GLUL: variants seen among roughly 807,000 people sequenced by gnomAD.
GLUL encodes glutamine synthetase.
A neutral mutation model predicts 36.9 loss-of-function variants in GLUL; 8 were observed. That is an observed-to-expected ratio of 0.22 (90% CI 0.13 to 0.39). GLUL has a LOEUF of 0.39. GLUL is among the 10% of genes least tolerant of loss of function. The pLI is 1.00. For missense variants in GLUL, 315 were observed against 501.8 expected (o/e 0.63, Z 3.56); for synonymous variants, 182 against 172.8 (o/e 1.05, Z -0.42).
At chr1:182,385,670 T>C (rs1168463384) in intron 5 of GLUL, 90 bp downstream of exon 5, 26 of 1,566,682 alleles carry the variant, frequency 1.7e-5, no homozygotes, top group Non-Finnish European at 2.1e-5. Flanking sequence ...GGTTTTGGGT[T>C]AGTGAGTGGT....
Position 182,387,120 on chromosome 1 carries a change from C to CTATA in GLUL, c.328+7_328+10dup. The CTATA allele has an allele frequency of 6.2e-7, 1 of 1,603,440 alleles. No individual in the cohort carries two copies. The highest frequency in any genetic ancestry group is 8.5e-7 in the Non-Finnish European group (1 of 1,170,432). On this transcript the variant is annotated intron_variant, in intron 3 of 6. Transcript: ENST00000331872. The stretch of plus-strand genomic sequence containing the variant: ...TTGAGGAGGGGTATCCATAGCTGTG[C>CTATA]TATAACACACCTGCAGGCCTTCGAT...
chr1:182,379,168 A>G lies in GLUL; in HGVS notation c.*5237T>C, dbSNP rs902100580. Among the ~76,000 whole-genome samples the G allele has an allele frequency of 2.0e-5, 3 of 152,182 alleles. No individual in the cohort carries two copies. The highest frequency in any genetic ancestry group is 2.4e-5 in the African/African-American group (1 of 41,446). ...GTTCTAATCAGCTCAGATTGTTTTC[A>G]GTAGAAATGTACGCAAAGTCTTTGG... On this transcript the variant is annotated 3_prime_UTR_variant, in exon 7 of 7. Coordinates refer to ENST00000331872, the MANE Select transcript of GLUL (RefSeq NM_001033044.4).
At chr1:182,390,241 A>C (rs567544882) in intron 1 of GLUL, 3 of 311,784 alleles carry the variant, frequency 9.6e-6, no homozygotes, top group South Asian at 1.6e-4. Context: ...AAAAAAAAAA[A>C]CCTACAACCC....
In GLUL at chr1:182,378,209, G is replaced by A. The variant is rs1231142973; in HGVS notation, c.*6196C>T. ...AACTAATAGATCTGCTGACTACGCC[G>A]TACAGTGGAGGAAACACGCTGCAAT... On this transcript the variant is annotated 3_prime_UTR_variant, in exon 7 of 7. Transcript: ENST00000331872. Among the ~76,000 whole-genome samples, 2 of 152,134 alleles carry A rather than the reference G, an allele frequency of 1.3e-5. No homozygotes were observed. The highest frequency in any genetic ancestry group is 1.5e-5 in the Non-Finnish European group (1 of 68,024).
In GLUL at chr1:182,382,551, G is replaced by C. The variant is rs1355355745; in HGVS notation, c.*1854C>G. On this transcript the variant is annotated 3_prime_UTR_variant, in exon 7 of 7. Transcript: ENST00000331872. ...AGCCAGTTAATCTTACATTATGTTA[G>C]GCTATTGTATTAGGCTAGGAATGGT... 4 of 151,192 alleles carry C rather than the reference G, an allele frequency of 2.6e-5. No individual in the cohort carries two copies. The highest frequency in any genetic ancestry group is 9.7e-5 in the African/African-American group (4 of 41,332). 9.4% of individuals were successfully genotyped at this position (151,192 alleles called of 1,614,324 possible).
At position 182,383,779 on chromosome 1, in the gene GLUL, G is replaced by C. The variant is rs150829570; in HGVS notation, c.*626C>G. On this transcript the variant is annotated 3_prime_UTR_variant, in exon 7 of 7. Coordinates refer to ENST00000331872, the MANE Select transcript of GLUL (RefSeq NM_001033044.4). ...ATTCTGCTTTGTGTGATAAATCAAG[G>C]ACCAAGCAGTAAGAACCTTTTCTTC... 1 of 154,182 alleles carries C rather than the reference G, an allele frequency of 6.5e-6. No homozygotes were observed. Among genetic ancestry groups the C allele is most frequent in the African/African-American group, 2.4e-5 (1 of 41,482 alleles). The allele number at this position is 154,182 out of a possible 1,614,324, so 9.6% of individuals were successfully genotyped here. A position where few individuals can be genotyped will look rare whatever the true frequency, so the allele number is the denominator to read the frequency against.
At chr1:182,385,986 T>C (rs1036400785) in intron 4 of GLUL, 99 bp from the exon 5 acceptor site, 2 of 1,254,546 alleles carry the variant, frequency 1.6e-6, no homozygotes, top group African/African-American at 1.5e-5. Context: ...CTTGAATCAC[T>C]ATCCTTGCCT....
In GLUL at chr1:182,380,510, G is replaced by A. The variant is rs1210150697; in HGVS notation, c.*3895C>T. Among the ~76,000 whole-genome samples the A allele has an allele frequency of 2.0e-5, 3 of 152,076 alleles. No homozygotes were observed. Among genetic ancestry groups the A allele is most frequent in the Middle Eastern group, 3.4e-3 (1 of 294 alleles). Reference sequence around the variant, plus strand: ...TGGACCTCACTACATTGCCTAGAACGGTCTCAAACTCCTGGGCTCAAGAGA... The same window carrying A: ...TGGACCTCACTACATTGCCTAGAACAGTCTCAAACTCCTGGGCTCAAGAGA... On this transcript the variant is annotated 3_prime_UTR_variant, in exon 7 of 7. Coordinates refer to ENST00000331872, the MANE Select transcript of GLUL (RefSeq NM_001033044.4).
rs913537081 is a variant in GLUL, at chr1:182,380,003, C to T, written c.*4402G>A. On this transcript the variant is annotated 3_prime_UTR_variant, in exon 7 of 7. Transcript: ENST00000331872. ...GGGATTACAGGCATGTGCCACCACG[C>T]CCGGCTAATTTTTTGTATTTAGTAG... Among the ~76,000 whole-genome samples the T allele has an allele frequency of 6.6e-6, 1 of 152,034 alleles. No individual in the cohort carries two copies. The highest frequency in any genetic ancestry group is 1.5e-5 in the Non-Finnish European group (1 of 68,030).
In GLUL at chr1:182,385,848, C is replaced by G. The variant is rs1057520087; in HGVS notation, c.515G>C (p.Gly172Ala). ...YCGVGADRAY[G>A]RDIVEAHYRA... ...GTAATGGGCCTCCACGATGTCCCTGCCATAGGCTCTGTCTGCTCCCACACC... is the reference window on the plus strand; with the variant it reads ...GTAATGGGCCTCCACGATGTCCCTGGCATAGGCTCTGTCTGCTCCCACACC... Residue 172 changes from glycine (G) to alanine (A), a missense_variant, in exon 5 of 7, where the codon GGC becomes GCC. Physicochemically the swap from Gly to Ala is moderately conservative, Grantham distance 60. This residue lies in a region of GLUL where 256 missense variants were observed against 396.1 expected (regional missense o/e 0.65). Transcript: ENST00000331872. 1 of 1,613,706 alleles carries G rather than the reference C, an allele frequency of 6.2e-7. No individual in the cohort carries two copies. Among genetic ancestry groups the G allele is most frequent in the Non-Finnish European group, 8.5e-7 (1 of 1,179,576 alleles).
Position 182,385,851 on chromosome 1 carries a change from T to C in GLUL, c.512A>G (p.Tyr171Cys), listed in dbSNP as rs987814924. 6.2e-7 allele frequency: 1 copy of C among 1,613,712 alleles called. No homozygotes were observed. The highest frequency in any genetic ancestry group is 8.5e-7 in the Non-Finnish European group (1 of 1,179,594). ...YYCGVGADRA[Y>C]GRDIVEAHYR... Reference sequence around the variant, plus strand: ...ATGGGCCTCCACGATGTCCCTGCCATAGGCTCTGTCTGCTCCCACACCACA... The same window carrying C: ...ATGGGCCTCCACGATGTCCCTGCCACAGGCTCTGTCTGCTCCCACACCACA... The change falls in exon 5 of 7, where the codon TAT becomes TGT. Residue 171 changes from tyrosine (Y) to cysteine (C), a missense_variant. By Grantham distance (194) the Tyr-to-Cys change is radical (BLOSUM62 -2). This residue lies in a region of GLUL where 256 missense variants were observed against 396.1 expected (regional missense o/e 0.65). Coordinates refer to ENST00000331872, the MANE Select transcript of GLUL (RefSeq NM_001033044.4).
In GLUL at chr1:182,381,124, G is replaced by A. The variant is rs183783889; in HGVS notation, c.*3281C>T. ...TGTACTAAAAATACAAAAATTAGCTGAGCATGGTGGTGCACACCTGTAGTC... is the reference window on the plus strand; with the variant it reads ...TGTACTAAAAATACAAAAATTAGCTAAGCATGGTGGTGCACACCTGTAGTC... On this transcript the variant is annotated 3_prime_UTR_variant, in exon 7 of 7. Coordinates refer to ENST00000331872, the MANE Select transcript of GLUL (RefSeq NM_001033044.4). 7.2e-5 allele frequency among the ~76,000 whole-genome samples: 11 copies of A among 152,316 alleles called. No homozygotes were observed. The highest frequency in any genetic ancestry group is 2.6e-4 in the African/African-American group (11 of 41,576).
rs956613303 is a variant in GLUL, at chr1:182,384,820, T to C, written c.804-97A>G. 17 of 883,074 alleles carry C rather than the reference T, an allele frequency of 1.9e-5. No homozygotes were observed. The African/African-American group carries it at 2.5e-4, about 13-fold the overall frequency. 54.7% of individuals were successfully genotyped at this position (883,074 alleles called of 1,614,324 possible). ...ATATGATACCAGTAGAACAAATACT[T>C]CATGAGGGCAGTGGCTGCATCTTCT... On this transcript the variant is annotated intron_variant, in intron 6 of 6. Coordinates refer to ENST00000331872, the MANE Select transcript of GLUL (RefSeq NM_001033044.4).
Position 182,386,493 on chromosome 1 carries a change from A to C in GLUL, c.329-91T>G, listed in dbSNP as rs1427679415. On this transcript the variant is annotated intron_variant, in intron 3 of 6. Transcript: ENST00000331872. Reference sequence around the variant, plus strand: ...GATGGGAGAATAGTCCTTGGATTCTATACAACTGAGGTGTGCACTATGGTA... The same window carrying C: ...GATGGGAGAATAGTCCTTGGATTCTCTACAACTGAGGTGTGCACTATGGTA... 10 of 999,596 alleles carry C rather than the reference A, an allele frequency of 1.0e-5. No homozygotes were observed. In the African/African-American group the frequency reaches 1.6e-4, roughly 16 times the overall value. The allele number at this position is 999,596 out of a possible 1,614,324, so 61.9% of individuals were successfully genotyped here. A position where few individuals can be genotyped will look rare whatever the true frequency, so the allele number is the denominator to read the frequency against.
At chr1:182,391,008 C>G in intron 1 of GLUL, 2 of 397,112 alleles carry the variant, frequency 5.0e-6, no homozygotes. Context: ...GTTGGGGGGT[C>G]CGGGGGAGGG....
rs1217980484 is a variant in GLUL, at chr1:182,381,800, G to A, written c.*2605C>T. ...AAGCAAAGGGAAGACAACTTCAGTTGGGGGGGTGGAAGCACAGATTCAATG... is the reference window on the plus strand; with the variant it reads ...AAGCAAAGGGAAGACAACTTCAGTTAGGGGGGTGGAAGCACAGATTCAATG... On this transcript the variant is annotated 3_prime_UTR_variant, in exon 7 of 7. Transcript: ENST00000331872. 3.9e-5 allele frequency: 6 copies of A among 152,038 alleles called. No individual in the cohort carries two copies. Among genetic ancestry groups the A allele is most frequent in the Non-Finnish European group, 8.8e-5 (6 of 68,048 alleles). The allele number at this position is 152,038 out of a possible 1,614,324, so 9.4% of individuals were successfully genotyped here.
Position 182,384,132 on chromosome 1 carries a change from A to G in GLUL, c.*273T>C. The G allele has an allele frequency of 4.5e-6, 2 of 445,076 alleles. No individual in the cohort carries two copies. The highest frequency in any genetic ancestry group is 4.8e-5 in the East Asian group (1 of 20,930). The allele number at this position is 445,076 out of a possible 1,614,324, so 27.6% of individuals were successfully genotyped here. On this transcript the variant is annotated 3_prime_UTR_variant, in exon 7 of 7. Coordinates refer to ENST00000331872, the MANE Select transcript of GLUL (RefSeq NM_001033044.4). ...GGACAGGTGCACCCCATTAAATGGA[A>G]GCAGTGGTTATGTCTCCCCACCCTC...
chr1:182,391,361 C>G, intron 1 of GLUL: 1 of 398,018 alleles, frequency 2.5e-6, no homozygotes, highest in Non-Finnish European at 4.4e-6. Context: ...AGGGCGCAGG[C>G]CGGCCCAACG....
At chr1:182,391,175 C>T in intron 1 of GLUL, 1 of 398,624 alleles carries the variant, frequency 2.5e-6, no homozygotes. Flanking sequence ...CAACGCTCAC[C>T]GTTACACGCC....
Sources: allele counts gnomAD v4.1 joint callset (sites outside exome capture counted in the v4.1 genomes callset), GRCh38; gene constraint gnomAD v4.1.1; regional missense constraint gnomAD v4.1.1; transcripts MANE v1.5; gene names NCBI Gene and HGNC (gene_info 2026-07-23, HGNC 2026-07-21).